Variants in CHN1 observed in about 807,000 individuals in gnomAD.
CHN1 encodes the protein N-chimaerin.
CHN1 carries 37 observed loss-of-function variants against 59.5 expected under a neutral mutation model. The ratio of observed to expected loss-of-function variants is 0.62; its 90% CI spans 0.48 to 0.82. The LOEUF (loss-of-function observed/expected upper bound fraction) is 0.82. Ranked by LOEUF, CHN1 falls within the 40% of genes least tolerant of loss-of-function variation. CHN1 has a pLI of 0.00. For missense variants in CHN1, 469 were observed against 571.0 expected (o/e 0.82, Z 1.82); for synonymous variants, 206 against 200.4 (o/e 1.03, Z -0.24).
chr2:174,885,593 C>T (rs1687872413), intron 5 of CHN1, among the ~76,000 whole-genome samples: 1 of 152,044 alleles, frequency 6.6e-6, no homozygotes, highest in South Asian at 2.1e-4. Flanking sequence ...CTCCCTGATT[C>T]AAGTAATCCC....
chr2:174,967,954 T>C (rs1219858102), intron 1 of CHN1, among the ~76,000 whole-genome samples: 1 of 152,182 alleles, frequency 6.6e-6, no homozygotes, highest in African/African-American at 2.4e-5. Context: ...TTTAAAGTAG[T>C]GTGTTTATTA....
intron 6 of CHN1, among the ~76,000 whole-genome samples, chr2:174,871,930 T>G (rs567487155): frequency 6.6e-6 from 1 of 152,270 alleles, no homozygotes; most frequent in East Asian, 1.9e-4. Flanking sequence ...ATAAGTTAGT[T>G]CAGGAGACTG....
chr2:174,860,927 A>T (rs1558956380), intron 6 of CHN1, among the ~76,000 whole-genome samples: 1 of 152,160 alleles, frequency 6.6e-6, no homozygotes, highest in African/African-American at 2.4e-5. Context: ...GTAGTTTGTG[A>T]CCATCTCATA....
At chr2:174,824,272 T>C (rs915603116) in intron 8 of CHN1, among the ~76,000 whole-genome samples, 162 bp downstream of exon 8, 5 of 152,116 alleles carry the variant, frequency 3.3e-5, no homozygotes, top group African/African-American at 1.2e-4. Flanking sequence ...AGATAAAATA[T>C]CAAATTTCCA....
intron 5 of CHN1, among the ~76,000 whole-genome samples, chr2:174,905,587 C>T (rs1053823322): frequency 2.6e-5 from 4 of 151,300 alleles, no homozygotes; most frequent in Non-Finnish European, 4.4e-5. Context: ...TTCTCTGAGA[C>T]GGAGTCTCGC....
At chr2:174,911,124 A>C (rs936528689) in intron 5 of CHN1, among the ~76,000 whole-genome samples, 1 of 152,302 alleles carries the variant, frequency 6.6e-6, no homozygotes, top group East Asian at 1.9e-4. Flanking sequence ...AGTCAGGAAT[A>C]GTAAACCAGA....
chr2:174,961,353 G>C (rs1049512708), intron 1 of CHN1, among the ~76,000 whole-genome samples: 1 of 152,088 alleles, frequency 6.6e-6, no homozygotes. Flanking sequence ...TTGGGAGGCC[G>C]ATCACCTGAG....
intron 7 of CHN1, among the ~76,000 whole-genome samples, chr2:174,843,189 T>A (rs568778401): frequency 2.4e-4 from 36 of 152,276 alleles, no homozygotes; most frequent in African/African-American, 8.4e-4. Flanking sequence ...ATATAGAGGA[T>A]TTCACTGCAT....
chr2:174,877,719 T>A (rs1687611966), intron 6 of CHN1, 121 bp downstream of exon 6: 1 of 770,230 alleles, frequency 1.3e-6, no homozygotes, highest in South Asian at 3.3e-5. Context: ...AAACTAGACA[T>A]TAAGAAAAAT....
intron 6 of CHN1, among the ~76,000 whole-genome samples, chr2:174,876,879 A>T (rs1011289550): frequency 6.6e-6 from 1 of 152,200 alleles, no homozygotes; most frequent in Non-Finnish European, 1.5e-5. Flanking sequence ...TTTGACCATT[A>T]TTACAATTTT....
chr2:174,847,712 AACTC>A (rs1251885273), intron 6 of CHN1: 2 of 1,158,002 alleles, frequency 1.7e-6, no homozygotes, highest in Admixed American at 2.4e-5. Flanking sequence ...TGTATTCCTA[AACTC>A]ACTCTGTCTC....
chr2:174,933,340 A>T (rs1472857550), intron 3 of CHN1, among the ~76,000 whole-genome samples: 1 of 152,264 alleles, frequency 6.6e-6, no homozygotes, highest in Non-Finnish European at 1.5e-5. Context: ...TCAAGAGATC[A>T]GGTTGAAGCA....
intron 6 of CHN1, among the ~76,000 whole-genome samples, chr2:174,863,057 A>G (rs1687114766): frequency 6.6e-6 from 1 of 152,176 alleles, no homozygotes; most frequent in South Asian, 2.1e-4. Context: ...AATTTTGGAA[A>G]ATTTGTATCT....
chr2:174,846,181 CCTTATATCATGCTA>C (rs1686508315), intron 7 of CHN1: 1 of 1,214,628 alleles, frequency 8.2e-7, no homozygotes, highest in Non-Finnish European at 1.1e-6. Context: ...AAATTCAAGG[CCTTATATCATGCTA>C]TAAATACAGA....
intron 6 of CHN1, among the ~76,000 whole-genome samples, chr2:174,874,529 T>C (rs1687501675): frequency 6.6e-6 from 1 of 152,184 alleles, no homozygotes; most frequent in Non-Finnish European, 1.5e-5. Flanking sequence ...CAGGATTCAC[T>C]CCTCATGGTA....
At chr2:174,995,881 A>G (rs1481386295) in intron 1 of CHN1, among the ~76,000 whole-genome samples, 1 of 152,188 alleles carries the variant, frequency 6.6e-6, no homozygotes, top group Non-Finnish European at 1.5e-5. Context: ...TTATGTTCAA[A>G]TAACCCTTAT....
At position 174,991,984 on chromosome 2, in the gene CHN1, G is replaced by A. The variant is rs186034355; in HGVS notation, c.19+12910C>T. Among the ~76,000 whole-genome samples the A allele has an allele frequency of 8.5e-5, 13 of 152,280 alleles. No homozygotes were observed. In the East Asian group the frequency reaches 2.3e-3, roughly 27 times the overall value. On this transcript the variant is annotated intron_variant, in intron 1 of 12. Transcript: ENST00000409900. ...CAAAAATAAGATACATAACTATTACGAAAGAAATGCATTCACAAATGTCAT... is the reference window on the plus strand; with the variant it reads ...CAAAAATAAGATACATAACTATTACAAAAGAAATGCATTCACAAATGTCAT...
At chr2:174,842,123 T>C (rs1686326317) in intron 7 of CHN1, among the ~76,000 whole-genome samples, 1 of 152,070 alleles carries the variant, frequency 6.6e-6, no homozygotes, top group South Asian at 2.1e-4. Flanking sequence ...CAACCAAAGG[T>C]CCCCCGCATG....
chr2:174,964,729 T>C (rs1036121035), intron 1 of CHN1, among the ~76,000 whole-genome samples: 4 of 152,352 alleles, frequency 2.6e-5, no homozygotes, highest in East Asian at 3.9e-4. Context: ...GCATTTGTTA[T>C]AGGAAATGAA....
Sources: allele counts gnomAD v4.1 joint callset (sites outside exome capture counted in the v4.1 genomes callset), GRCh38; gene constraint gnomAD v4.1.1; transcripts MANE v1.5; gene names NCBI Gene and HGNC (gene_info 2026-07-23, HGNC 2026-07-21).